The following TRIO variants were observed in gnomAD, a reference collection of about 807,000 sequenced individuals.
TRIO encodes trio Rho guanine nucleotide exchange factor, also known as triple functional domain protein.
In TRIO, 58 loss-of-function variants were observed where a neutral mutation model predicts 351.9. The observed-to-expected ratio is 0.16, with a 90% CI of 0.13 to 0.21. TRIO has a LOEUF of 0.21. Ranked by LOEUF, TRIO falls within the 10% of genes least tolerant of loss-of-function variation. TRIO has a pLI of 1.00. For synonymous variants in TRIO, 1,758 were observed against 1,595.7 expected (o/e 1.10, Z -2.42); for missense variants, 3,201 against 4,027.8 (o/e 0.79, Z 5.56).
chr5:14,215,653 G>A (rs555928476), intron 1 of TRIO, among the ~76,000 whole-genome samples: 18 of 152,266 alleles, frequency 1.2e-4, no homozygotes, highest in African/African-American at 3.1e-4. Flanking sequence ...ATGATTCCAC[G>A]AAATGTGAGA....
At chr5:14,291,615 C>A (rs771827980) in intron 5 of TRIO, among the ~76,000 whole-genome samples, 1 of 151,226 alleles carries the variant, frequency 6.6e-6, no homozygotes, top group Non-Finnish European at 1.5e-5. Context: ...ATAGTGAAAC[C>A]CCGTCTCTAC....
chr5:14,430,831 T>C lies in TRIO; in HGVS notation c.5203+10810T>C, dbSNP rs557585891. ...CCCGAGTTCAAGGGATTCTCCTGCC[T>C]CAGCCTCCCGAGTAGCTGGGACCTC... On this transcript the variant is annotated intron_variant, in intron 34 of 56. Coordinates refer to ENST00000344204, the MANE Select transcript of TRIO (RefSeq NM_007118.4). 2.0e-5 allele frequency among the ~76,000 whole-genome samples: 3 copies of C among 152,170 alleles called. No individual in the cohort carries two copies. In the South Asian group the frequency reaches 6.2e-4, roughly 32 times the overall value.
intron 21 of TRIO, among the ~76,000 whole-genome samples, chr5:14,383,838 C>T (rs553418618): frequency 1.4e-4 from 21 of 152,254 alleles, no homozygotes; most frequent in East Asian, 1.3e-3. Context: ...TTCTGTCACC[C>T]GATCTTAGAA....
In TRIO at chr5:14,369,421, A is replaced by G. The variant is rs760851187; in HGVS notation, c.3114A>G (p.Glu1038=). ...ESLEQEYKRE[E]DWCGGADKLG... is the part of the protein sequence containing the mutation. ...TGGAACAGGAGTACAAGAGAGAAGAAGACTGGTGTGGCGGGGCGGATAAGC... is the reference window on the plus strand; with the variant it reads ...TGGAACAGGAGTACAAGAGAGAAGAGGACTGGTGTGGCGGGGCGGATAAGC... The change falls in exon 18 of 57, where the codon GAA becomes GAG. Residue 1038 remains glutamate (E), a synonymous_variant. Transcript: ENST00000344204. 1.2e-6 allele frequency: 2 copies of G among 1,614,184 alleles called. No homozygotes were observed. Among genetic ancestry groups the G allele is most frequent in the South Asian group, 2.2e-5 (2 of 91,088 alleles).
In TRIO at chr5:14,350,033, A is replaced by G. The variant is rs538956394; in HGVS notation, c.2047-8145A>G. ...AGGATAACGGCCTCCAGCTCTGTCT[A>G]TGTTGTTGCAAAGGACACGATCTTT... is the stretch of plus-strand genomic sequence containing the variant. On this transcript the variant is annotated intron_variant, in intron 11 of 56. Transcript: ENST00000344204. Among the ~76,000 whole-genome samples the G allele has an allele frequency of 8.9e-4, 136 of 152,276 alleles. 1 individual carries two copies. The highest frequency in any genetic ancestry group is 3.0e-3 in the African/African-American group (124 of 41,542).
intron 1 of TRIO, among the ~76,000 whole-genome samples, chr5:14,180,839 T>A (rs1031069323): frequency 1.6e-5 from 2 of 125,262 alleles, no homozygotes; most frequent in African/African-American, 5.0e-5. Flanking sequence ...GTCCCCCCAG[T>A]GCCCCCACAA....
At chr5:14,427,787 G>C (rs1579625772) in intron 34 of TRIO, among the ~76,000 whole-genome samples, 1 of 152,246 alleles carries the variant, frequency 6.6e-6, no homozygotes, top group Non-Finnish European at 1.5e-5. Flanking sequence ...CCGAGCCTGG[G>C]TGCCTTTTTG....
chr5:14,191,735 T>G (rs1195650018), intron 1 of TRIO, among the ~76,000 whole-genome samples: 1 of 152,170 alleles, frequency 6.6e-6, no homozygotes, highest in Non-Finnish European at 1.5e-5. Flanking sequence ...AATCAGAACT[T>G]AGAGAAGTAA....
At chr5:14,337,328 T>C (rs1321208729) in intron 11 of TRIO, among the ~76,000 whole-genome samples, 1 of 152,190 alleles carries the variant, frequency 6.6e-6, no homozygotes. Flanking sequence ...TAAAGTTACA[T>C]GAAAGAAACT....
intron 1 of TRIO, among the ~76,000 whole-genome samples, chr5:14,165,176 G>A (rs760318136): frequency 1.3e-5 from 2 of 152,176 alleles, no homozygotes; most frequent in Non-Finnish European, 2.9e-5. Flanking sequence ...GATTTGTTAT[G>A]TGAGAATATT....
chr5:14,380,265 GCCCCGCC>G, intron 20 of TRIO, among the ~76,000 whole-genome samples: 1 of 28,090 alleles, frequency 3.6e-5, no homozygotes, highest in African/African-American at 1.8e-4. Flanking sequence ...TCTTCCCGGC[GCCCCGCC>G]TCCTCCTTCG....
At chr5:14,456,015 G>GA (rs1275745875) in intron 34 of TRIO, among the ~76,000 whole-genome samples, 6 of 152,372 alleles carry the variant, frequency 3.9e-5, no homozygotes, top group Middle Eastern at 6.8e-3. Flanking sequence ...GCCCCGCGGG[G>GA]AGGTGGCTGA....
chr5:14,393,983 G>T, intron 27 of TRIO, 55 bp from the exon 28 acceptor site: 2 of 1,208,064 alleles, frequency 1.7e-6, no homozygotes, highest in South Asian at 1.4e-5. Context: ...TTATGGCCAT[G>T]ATTTAATAGT....
chr5:14,269,166 A>G (rs181739580), intron 1 of TRIO, among the ~76,000 whole-genome samples: 1 of 152,308 alleles, frequency 6.6e-6, no homozygotes, highest in African/African-American at 2.4e-5. Flanking sequence ...CATGGTCCTC[A>G]GCCGGATGTG....
intron 34 of TRIO, among the ~76,000 whole-genome samples, chr5:14,424,744 C>A (rs1021790814): frequency 2.0e-5 from 3 of 152,140 alleles, no homozygotes; most frequent in Non-Finnish European, 4.4e-5. Flanking sequence ...TGCTATTAAT[C>A]AAATGGGGCA....
intron 29 of TRIO, 196 bp downstream of exon 29, chr5:14,397,350 T>C (rs1354667169): frequency 1.9e-6 from 1 of 521,734 alleles, no homozygotes; most frequent in African/African-American, 1.9e-5. Context: ...AAGCCTTTTC[T>C]GGTCCCTTCA....
At chr5:14,434,062 G>A (rs1021933228) in intron 34 of TRIO, among the ~76,000 whole-genome samples, 2 of 151,908 alleles carry the variant, frequency 1.3e-5, no homozygotes, top group African/African-American at 4.8e-5. Flanking sequence ...TTTTTTATGG[G>A]CAGATTAATA....
intron 46 of TRIO, among the ~76,000 whole-genome samples, chr5:14,483,736 G>A (rs1258546399): frequency 3.3e-5 from 5 of 152,102 alleles, no homozygotes; most frequent in Admixed American, 1.3e-4. Flanking sequence ...GCTGGGCTGC[G>A]GGCCCTCGCA....
chr5:14,483,630 C>T (rs951150818), intron 46 of TRIO, among the ~76,000 whole-genome samples: 10 of 152,146 alleles, frequency 6.6e-5, no homozygotes, highest in Non-Finnish European at 1.3e-4. Context: ...TGGGTCTGTC[C>T]GTGGGCACAG....
Sources: allele counts gnomAD v4.1 joint callset (sites outside exome capture counted in the v4.1 genomes callset), GRCh38; gene constraint gnomAD v4.1.1; transcripts MANE v1.5; gene names NCBI Gene and HGNC (gene_info 2026-07-23, HGNC 2026-07-21).